Variants in ROBO1 observed in about 807,000 individuals in gnomAD.
ROBO1 encodes roundabout guidance receptor 1.
A neutral mutation model predicts 195.9 loss-of-function variants in ROBO1; 149 were observed. The ratio of observed to expected loss-of-function variants is 0.76; its 90% CI spans 0.67 to 0.87. The LOEUF is 0.87. ROBO1 is among the 40% of genes least tolerant of loss of function. The pLI is 0.00. For missense variants in ROBO1, 1,933 were observed against 2,068.3 expected (o/e 0.93, Z 1.27); for synonymous variants, 816 against 733.2 (o/e 1.11, Z -1.82).
At chr3:78,656,566 T>G (rs1201870895) in intron 18 of ROBO1, among the ~76,000 whole-genome samples, 1 of 152,056 alleles carries the variant, frequency 6.6e-6, no homozygotes, top group Non-Finnish European at 1.5e-5. Context: ...TTAGCCAGGA[T>G]GGTCTCGATC....
At chr3:78,639,557 T>C (rs373816305) in intron 22 of ROBO1, among the ~76,000 whole-genome samples, 187 bp downstream of exon 22, 2 of 152,386 alleles carry the variant, frequency 1.3e-5, no homozygotes, top group South Asian at 2.1e-4. Context: ...TGGTGGACTT[T>C]AGCAAAGTAT....
intron 2 of ROBO1, among the ~76,000 whole-genome samples, chr3:79,580,465 G>C (rs370699443): frequency 7.9e-5 from 12 of 151,972 alleles, no homozygotes; most frequent in African/African-American, 2.9e-4. Flanking sequence ...CTGGGCAACA[G>C]AGCGAGACTC....
intron 2 of ROBO1, among the ~76,000 whole-genome samples, chr3:79,472,888 T>C (rs1355476963): frequency 6.6e-6 from 1 of 152,122 alleles, no homozygotes; most frequent in Non-Finnish European, 1.5e-5. Flanking sequence ...GGTTAGAAAG[T>C]TCTTCTTGAA....
chr3:79,518,799 G>A (rs1427142937), intron 2 of ROBO1, among the ~76,000 whole-genome samples: 2 of 151,442 alleles, frequency 1.3e-5, no homozygotes, highest in African/African-American at 2.4e-5. Flanking sequence ...AGACTCCCAA[G>A]TAGCTGGGAT....
intron 2 of ROBO1, among the ~76,000 whole-genome samples, chr3:79,286,479 C>T (rs976133757): frequency 1.3e-5 from 2 of 152,084 alleles, no homozygotes; most frequent in African/African-American, 4.8e-5. Flanking sequence ...ATATTAAATG[C>T]CACATAGAAG....
intron 1 of ROBO1, among the ~76,000 whole-genome samples, chr3:79,739,616 T>C (rs548938137): frequency 6.6e-6 from 1 of 152,280 alleles, no homozygotes; most frequent in Non-Finnish European, 1.5e-5. Flanking sequence ...TTTAGAAATA[T>C]ATGAAACAGA....
At chr3:78,657,391 G>T in intron 17 of ROBO1, 122 bp from the exon 18 acceptor site, 3 of 899,542 alleles carry the variant, frequency 3.3e-6, no homozygotes, top group Non-Finnish European at 1.6e-6. Context: ...ACCATAAGAA[G>T]TTTCCAAAGT....
At chr3:79,307,314 A>G (rs2033268471) in intron 2 of ROBO1, among the ~76,000 whole-genome samples, 1 of 152,158 alleles carries the variant, frequency 6.6e-6, no homozygotes, top group African/African-American at 2.4e-5. Flanking sequence ...TTAATGAAAT[A>G]AAAACCCTAT....
intron 3 of ROBO1, among the ~76,000 whole-genome samples, chr3:79,033,267 TA>T (rs1379794759): frequency 6.6e-6 from 1 of 152,114 alleles, no homozygotes; most frequent in Non-Finnish European, 1.5e-5. Flanking sequence ...AATATTTTTA[TA>T]ATATTATGAT....
chr3:78,659,952 G>A (rs1707288682), intron 16 of ROBO1, 145 bp from the exon 17 acceptor site: 3 of 476,328 alleles, frequency 6.3e-6, no homozygotes, highest in Admixed American at 4.5e-5. Context: ...ACGGAGGCTC[G>A]CTCTGTCATC....
chr3:79,034,207 C>A (rs1227356707), intron 3 of ROBO1, among the ~76,000 whole-genome samples: 1 of 152,068 alleles, frequency 6.6e-6, no homozygotes, highest in Non-Finnish European at 1.5e-5. Flanking sequence ...TTTTTTACTT[C>A]CCAATTCACA....
At chr3:78,604,846 ACT>A (rs1367950465) in intron 29 of ROBO1, among the ~76,000 whole-genome samples, 1 of 151,470 alleles carries the variant, frequency 6.6e-6, no homozygotes, top group East Asian at 1.9e-4. Context: ...TTCCCCTATC[ACT>A]CTTTGCTGAT....
At chr3:79,615,556 T>A (rs942725257) in intron 1 of ROBO1, among the ~76,000 whole-genome samples, 1 of 152,152 alleles carries the variant, frequency 6.6e-6, no homozygotes, top group African/African-American at 2.4e-5. Context: ...AATTTTGGTT[T>A]ACAGCACTCA....
chr3:79,202,094 C>G (rs2081776450), intron 2 of ROBO1, among the ~76,000 whole-genome samples: 1 of 151,874 alleles, frequency 6.6e-6, no homozygotes, highest in African/African-American at 2.4e-5. Flanking sequence ...GGGCGGCAGC[C>G]CTCCTAAATT....
In ROBO1 at chr3:78,617,965, G is replaced by C. The variant is rs1422454999; in HGVS notation, c.3952C>G (p.Leu1318Val). The C allele has an allele frequency of 1.2e-6, 2 of 1,613,850 alleles. No homozygotes were observed. Among genetic ancestry groups the C allele is most frequent in the Admixed American group, 3.3e-5 (2 of 60,008 alleles). Residue 1318 changes from leucine (L) to valine (V), a missense_variant, in exon 27 of 31, where the codon CTG becomes GTG. Physicochemically the swap from Leu to Val is conservative, Grantham distance 32. Transcript: ENST00000464233. ...PHTYGYISGP[L>V]VSDMDTDAPE... ...GCATCCGTATCCATATCTGAGACCA[G>C]GGGTCCTGAAATGTAGCCATAGGTA...
At chr3:78,846,662 C>T (rs1225415061) in intron 4 of ROBO1, among the ~76,000 whole-genome samples, 1 of 152,018 alleles carries the variant, frequency 6.6e-6, no homozygotes, top group Non-Finnish European at 1.5e-5. Context: ...TCTGGTGTTT[C>T]TTTTCTTTTT....
chr3:79,500,207 T>A (rs1190906026), intron 2 of ROBO1, among the ~76,000 whole-genome samples: 2 of 139,380 alleles, frequency 1.4e-5, no homozygotes, highest in East Asian at 4.5e-4. Context: ...CTCAGCTCGC[T>A]GCAACCTCCG....
rs569411641 is a variant in ROBO1 at position 78,844,896 on chromosome 3, A to C, written c.499+93705T>G. ...CTCTAGAAAATGAGGGTGTAGGATTAAGTGCACCACCAAATAAGCATGTGC... is the reference window on the plus strand; with the variant it reads ...CTCTAGAAAATGAGGGTGTAGGATTCAGTGCACCACCAAATAAGCATGTGC... On this transcript the variant is annotated intron_variant, in intron 4 of 30. Transcript: ENST00000464233. Among the ~76,000 whole-genome samples the C allele has an allele frequency of 1.9e-4, 29 of 152,168 alleles. No individual in the cohort carries two copies. The South Asian group carries it at 6.0e-3, about 32-fold the overall frequency.
intron 2 of ROBO1, among the ~76,000 whole-genome samples, chr3:79,207,495 A>G (rs2081891367): frequency 6.6e-6 from 1 of 152,096 alleles, no homozygotes; most frequent in Non-Finnish European, 1.5e-5. Flanking sequence ...AAGTTAAATG[A>G]CTCACATTCT....
Sources: allele counts gnomAD v4.1 joint callset (sites outside exome capture counted in the v4.1 genomes callset), GRCh38; gene constraint gnomAD v4.1.1; transcripts MANE v1.5; gene names NCBI Gene and HGNC (gene_info 2026-07-23, HGNC 2026-07-21).